Variants in BEND6 observed in about 807,000 individuals in gnomAD.
BEND6 encodes BEN domain-containing protein 6.
A neutral mutation model predicts 31.8 loss-of-function variants in BEND6; 24 were observed. That is an observed-to-expected ratio of 0.75 (90% CI 0.55 to 1.06). The LOEUF is 1.06. Ranked by LOEUF, BEND6 falls within the 50% of genes least tolerant of loss-of-function variation. BEND6 has a pLI of 0.00. For missense variants in BEND6, 294 were observed against 327.4 expected (o/e 0.90, Z 0.79); for synonymous variants, 109 against 114.6 (o/e 0.95, Z 0.31).
intron 1 of BEND6, among the ~76,000 whole-genome samples, chr6:56,959,648 C>G (rs1314034364): frequency 6.6e-6 from 1 of 152,112 alleles, no homozygotes; most frequent in African/African-American, 2.4e-5. Context: ...GGGAAACCAT[C>G]ATGTGGATAG....
rs762825918 is a variant in BEND6 at position 56,981,822 on chromosome 6, C to A, written c.12C>A (p.Ile4=). The change falls in exon 2 of 7, where the codon ATC becomes ATA. Residue 4 remains isoleucine, a synonymous_variant. Coordinates refer to ENST00000370746, the MANE Select transcript of BEND6 (RefSeq NM_152731.3). ...AACTAATTGAGAAAATGCAGAAGATCGTGCAGACAGATGAAATTACCAATA... is the reference window on the plus strand; with the variant it reads ...AACTAATTGAGAAAATGCAGAAGATAGTGCAGACAGATGAAATTACCAATA... MQK[I]VQTDEITNTQ... is the part of the protein sequence containing the mutation. 1 of 1,611,490 alleles carries A rather than the reference C, an allele frequency of 6.2e-7. No homozygotes were observed. Among genetic ancestry groups the A allele is most frequent in the South Asian group, 1.1e-5 (1 of 90,760 alleles).
intron 1 of BEND6, among the ~76,000 whole-genome samples, chr6:56,976,600 T>A (rs1483453335): frequency 6.6e-6 from 1 of 152,082 alleles, no homozygotes; most frequent in Non-Finnish European, 1.5e-5. Context: ...AGTCTTGCTC[T>A]GTCACTCAGG....
intron 3 of BEND6, among the ~76,000 whole-genome samples, chr6:57,001,481 G>T (rs1826944133): frequency 2.0e-5 from 3 of 152,114 alleles, no homozygotes; most frequent in Admixed American, 2.0e-4. Flanking sequence ...AATCTTAAAA[G>T]CCACTAGAGA....
intron 1 of BEND6, among the ~76,000 whole-genome samples, chr6:56,968,250 A>G (rs1160273050): frequency 3.4e-5 from 5 of 146,582 alleles, no homozygotes; most frequent in African/African-American, 1.3e-4. Context: ...ATATAAAATG[A>G]TTCAGGTCTA....
At chr6:57,016,082 T>C (rs184802380) in intron 4 of BEND6, among the ~76,000 whole-genome samples, 4 of 152,316 alleles carry the variant, frequency 2.6e-5, no homozygotes, top group Admixed American at 2.6e-4. Context: ...TACCTATGCA[T>C]TCAGGGTTAT....
rs1826051952 is a variant in BEND6, at chr6:56,981,145, C to T, written c.-100-566C>T. Among the ~76,000 whole-genome samples, 4 of 152,256 alleles carry T rather than the reference C, an allele frequency of 2.6e-5. No homozygotes were observed. The South Asian group carries it at 8.3e-4, about 32-fold the overall frequency. ...ATCAGATTTTGATAAATGATTATTC[C>T]TTAAAATCTTTATGAAAATACTATT... On this transcript the variant is annotated intron_variant, in intron 1 of 6. Transcript: ENST00000370746.
intron 6 of BEND6, among the ~76,000 whole-genome samples, chr6:57,024,525 A>C (rs963844424): frequency 6.6e-6 from 1 of 152,046 alleles, no homozygotes; most frequent in Admixed American, 6.5e-5. Context: ...CCCTTTGAAA[A>C]TGTTGTTTCA....
intron 6 of BEND6, among the ~76,000 whole-genome samples, chr6:57,020,827 A>G (rs1285546139): frequency 7.1e-6 from 1 of 140,660 alleles, no homozygotes. Context: ...GATATCCTAA[A>G]CTCTTGTTTT....
intron 3 of BEND6, among the ~76,000 whole-genome samples, chr6:57,006,577 A>C (rs897605395): frequency 6.6e-6 from 1 of 152,222 alleles, no homozygotes; most frequent in Non-Finnish European, 1.5e-5. Flanking sequence ...TATACAGTCT[A>C]AATTAAAACT....
intron 1 of BEND6, among the ~76,000 whole-genome samples, chr6:56,961,047 G>A (rs1825269412): frequency 6.6e-6 from 1 of 152,150 alleles, no homozygotes; most frequent in Non-Finnish European, 1.5e-5. Flanking sequence ...GAAATTACAT[G>A]TAAAAACTTG....
At chr6:57,004,205 G>A (rs981893598) in intron 3 of BEND6, among the ~76,000 whole-genome samples, 3 of 152,126 alleles carry the variant, frequency 2.0e-5, no homozygotes, top group African/African-American at 7.2e-5. Flanking sequence ...AGAAATAAAA[G>A]GCATCCAAAT....
At chr6:57,021,825 G>A (rs763884905) in intron 6 of BEND6, among the ~76,000 whole-genome samples, 6 of 152,130 alleles carry the variant, frequency 3.9e-5, no homozygotes, top group Non-Finnish European at 8.8e-5. Flanking sequence ...TAATACAGTG[G>A]TGCTAAAATG....
At chr6:56,972,230 G>A (rs1592975290) in intron 1 of BEND6, among the ~76,000 whole-genome samples, 1 of 151,048 alleles carries the variant, frequency 6.6e-6, no homozygotes, top group African/African-American at 2.4e-5. Flanking sequence ...GAATAGCTGC[G>A]ACTAAAGTCA....
At position 57,015,316 on chromosome 6, in the gene BEND6, T is replaced by C. The variant is rs1161121919; in HGVS notation, c.482T>C (p.Leu161Ser). 4 of 1,614,086 alleles carry C rather than the reference T, an allele frequency of 2.5e-6. No individual in the cohort carries two copies. Among genetic ancestry groups the C allele is most frequent in the Admixed American group, 3.3e-5 (2 of 60,026 alleles). Residue 161 changes from leucine to serine, a missense_variant, in exon 4 of 7, where the codon TTA becomes TCA. Physicochemically the swap from Leu to Ser is moderately radical, Grantham distance 145. Transcript: ENST00000370746. ...SNSNSSSPVSLKPEEEHQTDE... is the reference protein window; with the variant it reads ...SNSNSSSPVSSKPEEEHQTDE... ...TCTAACTCCAGTTCACCAGTTTCCT[T>C]AAAGCCTGAGGAAGAGCATCAGACT...
chr6:57,003,129 C>T (rs1827008077), intron 3 of BEND6, among the ~76,000 whole-genome samples: 1 of 151,616 alleles, frequency 6.6e-6, no homozygotes, highest in African/African-American at 2.4e-5. Flanking sequence ...TTCTTAGAAA[C>T]ACACACTCTC....
chr6:57,003,322 A>G (rs887555297), intron 3 of BEND6, among the ~76,000 whole-genome samples: 3 of 152,134 alleles, frequency 2.0e-5, no homozygotes, highest in African/African-American at 7.2e-5. Flanking sequence ...CAACAACACA[A>G]GACCTTATCT....
intron 1 of BEND6, among the ~76,000 whole-genome samples, chr6:56,970,723 T>G (rs1825663072): frequency 6.6e-6 from 1 of 152,204 alleles, no homozygotes; most frequent in Non-Finnish European, 1.5e-5. Flanking sequence ...ATCACCTGTT[T>G]ATGGAATTTA....
intron 2 of BEND6, among the ~76,000 whole-genome samples, chr6:56,991,546 G>A (rs1826500811): frequency 1.3e-5 from 2 of 151,954 alleles, no homozygotes; most frequent in African/African-American, 4.8e-5. Flanking sequence ...ATTTTTTGTA[G>A]AGACAGGGTT....
At chr6:57,018,325 T>G (rs1485894423) in intron 5 of BEND6, 96 bp from the exon 6 acceptor site, 2 of 1,333,458 alleles carry the variant, frequency 1.5e-6, no homozygotes, top group South Asian at 1.6e-5. Flanking sequence ...GGAAAAAAAA[T>G]TATAATGTAG....
Sources: gnomAD v4.1 joint callset for allele counts (sites outside exome capture counted in the v4.1 genomes callset) on GRCh38, gnomAD v4.1.1 for gene constraint, MANE v1.5 for transcripts, NCBI Gene and HGNC (gene_info 2026-07-23, HGNC 2026-07-21) for gene names.